STAG1: variants seen among roughly 807,000 people sequenced by gnomAD.
STAG1 encodes cohesin subunit SA-1.
A neutral mutation model predicts 170.9 loss-of-function variants in STAG1; 26 were observed. That is an observed-to-expected ratio of 0.15 (90% CI 0.11 to 0.21). The LOEUF is 0.21. Ranked by LOEUF, STAG1 falls within the 10% of genes least tolerant of loss-of-function variation. STAG1 has a pLI of 1.00. For missense variants in STAG1, 964 were observed against 1,509.5 expected (o/e 0.64, Z 5.99); for synonymous variants, 514 against 497.7 (o/e 1.03, Z -0.44).
At chr3:136,363,632 TAAAC>T (rs549345521) in intron 25 of STAG1, among the ~76,000 whole-genome samples, 165 bp from the exon 26 acceptor site, 221 of 152,286 alleles carry the variant, frequency 1.5e-3, no homozygotes, top group Non-Finnish European at 2.9e-3. Context: ...TTCTTCATCT[TAAAC>T]ATAACAGGAG....
At chr3:136,625,656 T>C (rs529184003) in intron 2 of STAG1, among the ~76,000 whole-genome samples, 225 of 152,302 alleles carry the variant, frequency 1.5e-3, no homozygotes, top group Non-Finnish European at 2.4e-3. Context: ...GCTAACATAA[T>C]CCTACCTCAG....
chr3:136,376,527 C>G (rs1342603982), intron 23 of STAG1, among the ~76,000 whole-genome samples: 4 of 152,192 alleles, frequency 2.6e-5, no homozygotes, highest in Non-Finnish European at 5.9e-5. Flanking sequence ...CCTTGCCCTA[C>G]AGTCCTGATC....
chr3:136,588,428 C>T lies in STAG1; in HGVS notation c.297+15881G>A, dbSNP rs545284411. 3.5e-4 allele frequency among the ~76,000 whole-genome samples: 54 copies of T among 152,256 alleles called. No homozygotes were observed. In the South Asian group the frequency reaches 3.7e-3, roughly 11 times the overall value. On this transcript the variant is annotated intron_variant, in intron 4 of 33. Coordinates refer to ENST00000383202, the MANE Select transcript of STAG1 (RefSeq NM_005862.3). ...CGATCTCGGCTCACTGCAACTTCCACCTCCCAGATTCAGGCAATCCTCCTG... is the reference window on the plus strand; with the variant it reads ...CGATCTCGGCTCACTGCAACTTCCATCTCCCAGATTCAGGCAATCCTCCTG...
chr3:136,610,097 C>T (rs754248441), intron 3 of STAG1, among the ~76,000 whole-genome samples: 5 of 151,698 alleles, frequency 3.3e-5, no homozygotes, highest in South Asian at 2.1e-4. Context: ...TACAGTGGTG[C>T]GATCTCAGCT....
At chr3:136,610,202 A>C (rs1939199795) in intron 3 of STAG1, among the ~76,000 whole-genome samples, 1 of 152,096 alleles carries the variant, frequency 6.6e-6, no homozygotes, top group South Asian at 2.1e-4. Flanking sequence ...ACTCCCAGCT[A>C]ATCTTTGTAT....
intron 19 of STAG1, among the ~76,000 whole-genome samples, chr3:136,421,376 C>T (rs906162004): frequency 1.3e-5 from 2 of 152,086 alleles, no homozygotes; most frequent in African/African-American, 4.8e-5. Context: ...ATAAACATGA[C>T]TTTGAAAAGT....
chr3:136,385,123 A>G (rs1386029679), intron 22 of STAG1, among the ~76,000 whole-genome samples: 1 of 152,134 alleles, frequency 6.6e-6, no homozygotes, highest in African/African-American at 2.4e-5. Context: ...CCAATATTTT[A>G]TCTTATTTTT....
intron 14 of STAG1, among the ~76,000 whole-genome samples, chr3:136,450,895 C>T (rs6773604): frequency 0.17 from 25,143 of 151,882 alleles, 3,385 homozygotes; most frequent in African/African-American, 0.38. Context: ...ATTAGGTGTG[C>T]GCCACCACGC....
At chr3:136,471,517 C>T (rs1286677311) in intron 12 of STAG1, among the ~76,000 whole-genome samples, 1 of 151,830 alleles carries the variant, frequency 6.6e-6, no homozygotes, top group Non-Finnish European at 1.5e-5. Flanking sequence ...GGTGTTAGAG[C>T]CAAAATGTAA....
chr3:136,621,749 ATGACT>A (rs1939859026), intron 3 of STAG1, among the ~76,000 whole-genome samples: 3 of 152,216 alleles, frequency 2.0e-5, no homozygotes, highest in East Asian at 1.9e-4. Flanking sequence ...AGAGGGAAAA[ATGACT>A]TAACTTATCA....
chr3:136,720,728 GC>G (rs1933201186), intron 1 of STAG1, among the ~76,000 whole-genome samples: 1 of 152,072 alleles, frequency 6.6e-6, no homozygotes, highest in African/African-American at 2.4e-5. Flanking sequence ...GGCGGAGGTT[GC>G]AGTGAGCCAA....
rs919024999 is a variant in STAG1 at position 136,623,497 on chromosome 3, T to C, written c.30-249A>G. ...ATGATTGTGGAAATGATAGCTGCTA[T>C]ACAAAAATAAATGCAAAATATAACT... On this transcript the variant is annotated intron_variant, in intron 2 of 33. Coordinates refer to ENST00000383202, the MANE Select transcript of STAG1 (RefSeq NM_005862.3). Among the ~76,000 whole-genome samples, 12 of 152,284 alleles carry C rather than the reference T, an allele frequency of 7.9e-5. 3 individuals are homozygous for C.
At chr3:136,450,080 T>C (rs1047637697) in intron 14 of STAG1, among the ~76,000 whole-genome samples, 14 of 151,974 alleles carry the variant, frequency 9.2e-5, no homozygotes, top group African/African-American at 3.1e-4. Context: ...CTAAGGGAGG[T>C]AAGAGTGTAA....
chr3:136,477,846 A>G (rs2089793273), intron 9 of STAG1, among the ~76,000 whole-genome samples: 1 of 152,182 alleles, frequency 6.6e-6, no homozygotes, highest in South Asian at 2.1e-4. Flanking sequence ...GCTGGAGTGC[A>G]GTGGCATGAT....
intron 1 of STAG1, among the ~76,000 whole-genome samples, chr3:136,697,064 T>G (rs889681753): frequency 6.6e-6 from 1 of 152,208 alleles, no homozygotes; most frequent in African/African-American, 2.4e-5. Context: ...TGTGGCGATA[T>G]TCTTTTTGCT....
chr3:136,367,001 A>G lies in STAG1; in HGVS notation c.2627T>C (p.Ile876Thr). The change falls in exon 25 of 34, where the codon ATC becomes ACC. Residue 876 changes from isoleucine (I) to threonine (T), a missense_variant. Around this residue, in one of 11 missense-constraint regions of STAG1, gnomAD observed 149 missense variants for 301.3 expected, o/e 0.49. Coordinates refer to ENST00000383202, the MANE Select transcript of STAG1 (RefSeq NM_005862.3). Reference sequence around the variant, plus strand: ...ATGCATGTCAACAATGTCATAAATGATAAGTTTGCTGAAAGCAGCAAGTAG... The same window carrying G: ...ATGCATGTCAACAATGTCATAAATGGTAAGTTTGCTGAAAGCAGCAAGTAG... ...RNLLAAFSKL[I>T]IYDIVDMHAA... 1 of 1,611,684 alleles carries G rather than the reference A, an allele frequency of 6.2e-7. No homozygotes were observed.
At chr3:136,530,650 A>G (rs1935324145) in intron 6 of STAG1, among the ~76,000 whole-genome samples, 1 of 152,196 alleles carries the variant, frequency 6.6e-6, no homozygotes, top group South Asian at 2.1e-4. Context: ...AAATTAAAAA[A>G]CACACTCTTG....
chr3:136,431,335 C>T (rs753626980), intron 16 of STAG1, among the ~76,000 whole-genome samples: 2 of 151,268 alleles, frequency 1.3e-5, no homozygotes, highest in Non-Finnish European at 2.9e-5. Context: ...TGCAGTGGCA[C>T]GATCTTGGCT....
chr3:136,532,616 T>C (rs1476977522), intron 6 of STAG1, among the ~76,000 whole-genome samples: 1 of 152,138 alleles, frequency 6.6e-6, no homozygotes, highest in Non-Finnish European at 1.5e-5. Flanking sequence ...GTTTAACGTA[T>C]GCAAATCAAC....
Sources: gnomAD v4.1 joint callset for allele counts (sites outside exome capture counted in the v4.1 genomes callset) on GRCh38, gnomAD v4.1.1 for gene constraint, gnomAD v4.1.1 regional missense constraint, MANE v1.5 for transcripts, NCBI Gene and HGNC (gene_info 2026-07-23, HGNC 2026-07-21) for gene names.